Variants in NKAIN2 observed in about 807,000 individuals in gnomAD.
NKAIN2 encodes sodium/potassium transporting ATPase interacting 2.
In NKAIN2, 14 loss-of-function variants were observed where a neutral mutation model predicts 32.6. That is an observed-to-expected ratio of 0.43 (90% confidence interval 0.28 to 0.67). NKAIN2 has a LOEUF of 0.67. Among genes scored for constraint, NKAIN2 ranks in the 30% least tolerant of loss-of-function variants. NKAIN2 has a pLI of 0.17. For synonymous variants in NKAIN2, 80 were observed against 87.2 expected (o/e 0.92, Z 0.46); for missense variants, 198 against 258.3 (o/e 0.77, Z 1.60).
chr6:124,437,433 C>T (rs1775496539), intron 3 of NKAIN2, among the ~76,000 whole-genome samples: 1 of 152,182 alleles, frequency 6.6e-6, no homozygotes, highest in Non-Finnish European at 1.5e-5. Flanking sequence ...CCGTTATGTT[C>T]TGTGATACTA....
At chr6:124,249,756 TTTC>T (rs1185546634) in intron 1 of NKAIN2, among the ~76,000 whole-genome samples, 8 of 152,064 alleles carry the variant, frequency 5.3e-5, no homozygotes, top group Middle Eastern at 6.8e-3. Flanking sequence ...TGTCCTGGAG[TTTC>T]TTCTTTGAAG....
chr6:124,524,485 A>C (rs570104760), intron 3 of NKAIN2, among the ~76,000 whole-genome samples: 1 of 152,316 alleles, frequency 6.6e-6, no homozygotes, highest in African/African-American at 2.4e-5. Context: ...ACATGTTCAT[A>C]GTCTTTTTAT....
intron 3 of NKAIN2, among the ~76,000 whole-genome samples, chr6:124,489,917 G>A (rs1358213049): frequency 4.0e-5 from 6 of 151,844 alleles, no homozygotes; most frequent in South Asian, 4.2e-4. Flanking sequence ...TGACCTGATC[G>A]TCATTGCATT....
chr6:124,712,231 C>T (rs1229568926), intron 4 of NKAIN2, among the ~76,000 whole-genome samples: 2 of 148,146 alleles, frequency 1.4e-5, no homozygotes, highest in Non-Finnish European at 3.0e-5. Context: ...AGCTGTCAGA[C>T]AGGGACATTT....
intron 1 of NKAIN2, among the ~76,000 whole-genome samples, chr6:124,234,568 G>A: frequency 6.6e-6 from 1 of 152,034 alleles, no homozygotes; most frequent in East Asian, 1.9e-4. Flanking sequence ...ATGGTCCTAG[G>A]ATTACAACCA....
chr6:124,401,849 G>T (rs1397019524), intron 3 of NKAIN2, among the ~76,000 whole-genome samples: 2 of 151,946 alleles, frequency 1.3e-5, no homozygotes, highest in Non-Finnish European at 2.9e-5. Context: ...CCCACTTTGT[G>T]GCTTACCTTT....
chr6:124,731,475 C>A (rs1305976024), intron 4 of NKAIN2, among the ~76,000 whole-genome samples: 4 of 140,934 alleles, frequency 2.8e-5, no homozygotes, highest in Non-Finnish European at 4.6e-5. Flanking sequence ...AACCAAACAC[C>A]GCATATTCTC....
At chr6:124,531,399 C>A (rs1385274200) in intron 3 of NKAIN2, among the ~76,000 whole-genome samples, 1 of 152,164 alleles carries the variant, frequency 6.6e-6, no homozygotes, top group African/African-American at 2.4e-5. Context: ...GCAAATCATA[C>A]TTGATCATAG....
At chr6:124,513,366 G>A (rs1192495700) in intron 3 of NKAIN2, among the ~76,000 whole-genome samples, 1 of 152,070 alleles carries the variant, frequency 6.6e-6, no homozygotes, top group Admixed American at 6.6e-5. Context: ...TTTGGTAAAT[G>A]CAACAATATA....
Position 124,107,957 on chromosome 6 carries a change from T to C in NKAIN2, c.55-175048T>C, listed in dbSNP as rs529754944. On this transcript the variant is annotated intron_variant, in intron 1 of 6. Coordinates refer to ENST00000368417, the MANE Select transcript of NKAIN2 (RefSeq NM_001040214.3). ...GGACCTTTAAGCTGTTTTCACATCT[T>C]GGCTATTATAAGTAATGTTGCAATG... 1.9e-4 allele frequency among the ~76,000 whole-genome samples: 29 copies of C among 152,280 alleles called. No individual in the cohort carries two copies. The East Asian group carries it at 5.2e-3, about 27-fold the overall frequency.
chr6:123,997,420 G>A lies in NKAIN2; in HGVS notation c.54+193166G>A, dbSNP rs571397281. ...ACGTTCAAGTGGCCTCCAGGTGATA[G>A]GCACAGCCAGCTGTCTTGGACCAGT... On this transcript the variant is annotated intron_variant, in intron 1 of 6. Coordinates refer to ENST00000368417, the MANE Select transcript of NKAIN2 (RefSeq NM_001040214.3). 5.1e-4 allele frequency among the ~76,000 whole-genome samples: 77 copies of A among 152,170 alleles called. 1 individual carries two copies. The highest frequency in any genetic ancestry group is 2.7e-3 in the Admixed American group (41 of 15,280).
chr6:124,277,186 T>A (rs1012185076), intron 1 of NKAIN2, among the ~76,000 whole-genome samples: 2 of 152,102 alleles, frequency 1.3e-5, no homozygotes, highest in African/African-American at 4.8e-5. Context: ...GAGTGGATGC[T>A]ACTGGAAACT....
At chr6:124,066,790 C>T (rs1783206237) in intron 1 of NKAIN2, among the ~76,000 whole-genome samples, 1 of 151,894 alleles carries the variant, frequency 6.6e-6, no homozygotes, top group African/African-American at 2.4e-5. Flanking sequence ...CCTTTTAGTG[C>T]AGAGCATATT....
intron 1 of NKAIN2, among the ~76,000 whole-genome samples, chr6:124,031,303 T>A (rs1334794048): frequency 6.6e-6 from 1 of 152,152 alleles, no homozygotes; most frequent in Non-Finnish European, 1.5e-5. Context: ...CTTTCTTTTC[T>A]TCTTTATTAG....
At chr6:124,418,383 C>T (rs1774591612) in intron 3 of NKAIN2, among the ~76,000 whole-genome samples, 1 of 151,724 alleles carries the variant, frequency 6.6e-6, no homozygotes. Context: ...TTTCAGATCC[C>T]TGCAGCATTG....
At chr6:123,929,193 T>G (rs1243345295) in intron 1 of NKAIN2, among the ~76,000 whole-genome samples, 1 of 152,160 alleles carries the variant, frequency 6.6e-6, no homozygotes, top group Non-Finnish European at 1.5e-5. Flanking sequence ...ATAATTGAAT[T>G]TTGTGTTTTA....
At chr6:124,647,604 AAT>A (rs1171115145) in intron 3 of NKAIN2, among the ~76,000 whole-genome samples, 1 of 151,794 alleles carries the variant, frequency 6.6e-6, no homozygotes, top group Non-Finnish European at 1.5e-5. Context: ...TATACTCTTC[AAT>A]GGTTTTGGAA....
chr6:124,543,811 T>A (rs1342307954), intron 3 of NKAIN2, among the ~76,000 whole-genome samples: 1 of 152,120 alleles, frequency 6.6e-6, no homozygotes, highest in Non-Finnish European at 1.5e-5. Flanking sequence ...CTGGGCCACT[T>A]TGAAAACCTG....
intron 1 of NKAIN2, among the ~76,000 whole-genome samples, chr6:124,052,452 C>G (rs564735314): frequency 6.6e-6 from 1 of 151,990 alleles, no homozygotes; most frequent in Non-Finnish European, 1.5e-5. Context: ...TTAACCAAAC[C>G]TCGAATTTAC....
Sources: allele counts gnomAD v4.1 joint callset (sites outside exome capture counted in the v4.1 genomes callset), GRCh38; gene constraint gnomAD v4.1.1; transcripts MANE v1.5; gene names NCBI Gene and HGNC (gene_info 2026-07-23, HGNC 2026-07-21).